The following LMO7 variants were observed in gnomAD, a reference collection of about 807,000 sequenced individuals.
LMO7 encodes the protein LIM domain 7, also known as LIM domain only protein 7.
In LMO7, 120 loss-of-function variants were observed where a neutral mutation model predicts 206.5. The observed-to-expected ratio is 0.58, with a 90% CI of 0.50 to 0.68. LMO7 has a LOEUF of 0.68. Among genes scored for constraint, LMO7 ranks in the 30% least tolerant of loss-of-function variants. The probability of loss-of-function intolerance (pLI) is 0.00; values close to 1 mark genes in which losing one functional copy is unlikely to be tolerated. For synonymous variants in LMO7, 706 were observed against 681.5 expected (o/e 1.04, Z -0.56); for missense variants, 1,959 against 1,957.9 (o/e 1.00, Z -0.01).
At chr13:75,662,505 G>A (rs2038696418) in intron 1 of LMO7, among the ~76,000 whole-genome samples, 1 of 152,134 alleles carries the variant, frequency 6.6e-6, no homozygotes, top group African/African-American at 2.4e-5. Context: ...TTTTTGCAGA[G>A]ACGGGGTCTC....
intron 1 of LMO7, among the ~76,000 whole-genome samples, chr13:75,671,687 G>T (rs1046636118): frequency 6.6e-6 from 1 of 152,072 alleles, no homozygotes; most frequent in Non-Finnish European, 1.5e-5. Context: ...CAACATTCAC[G>T]TCTTACAATA....
At chr13:75,792,205 C>T (rs1263828675) in intron 4 of LMO7, among the ~76,000 whole-genome samples, 4 of 152,108 alleles carry the variant, frequency 2.6e-5, no homozygotes, top group Admixed American at 6.5e-5. Flanking sequence ...TGGACTCAAG[C>T]GATCCTCCCA....
chr13:75,714,234 T>C (rs1328319079), intron 2 of LMO7, among the ~76,000 whole-genome samples: 2 of 152,216 alleles, frequency 1.3e-5, no homozygotes, highest in Non-Finnish European at 2.9e-5. Context: ...CTCACATCTT[T>C]GAACATTTGA....
chr13:75,713,150 A>T, intron 1 of LMO7, 32 bp from the exon 2 acceptor site: 1 of 1,553,936 alleles, frequency 6.4e-7, no homozygotes, highest in Non-Finnish European at 8.8e-7. Context: ...TCCCTGCTTA[A>T]GAGAAAATTA....
At chr13:75,689,967 C>A (rs192135431) in intron 1 of LMO7, among the ~76,000 whole-genome samples, 74 of 152,196 alleles carry the variant, frequency 4.9e-4, no homozygotes, top group African/African-American at 1.7e-3. Context: ...CTCTAGAGAA[C>A]CCTGACTAAT....
chr13:75,730,385 A>G (rs532788126), intron 3 of LMO7, among the ~76,000 whole-genome samples: 1 of 152,090 alleles, frequency 6.6e-6, no homozygotes, highest in Non-Finnish European at 1.5e-5. Context: ...GAATTTATCC[A>G]TTTCTTCTAG....
chr13:75,798,426 C>T (rs1402887422), intron 6 of LMO7, among the ~76,000 whole-genome samples: 4 of 152,178 alleles, frequency 2.6e-5, no homozygotes, highest in African/African-American at 9.7e-5. Context: ...GCCTTTGGTC[C>T]TTTTAATGAC....
At chr13:75,658,052 C>T (rs376621422) in intron 1 of LMO7, among the ~76,000 whole-genome samples, 33 of 148,722 alleles carry the variant, frequency 2.2e-4, no homozygotes, top group African/African-American at 6.6e-4. Flanking sequence ...TTCCCAGCAC[C>T]GTTTTGGCTT....
chr13:75,800,296 T>C (rs1386954877), intron 6 of LMO7, among the ~76,000 whole-genome samples: 1 of 152,264 alleles, frequency 6.6e-6, no homozygotes, highest in Non-Finnish European at 1.5e-5. Flanking sequence ...GGTTAGTTTT[T>C]CTTTTTGACT....
intron 2 of LMO7, among the ~76,000 whole-genome samples, chr13:75,630,598 C>T (rs1488416388): frequency 2.0e-5 from 3 of 152,040 alleles, no homozygotes; most frequent in Admixed American, 6.5e-5. Context: ...CACTTGAGCT[C>T]GGGAGGCTGA....
intron 15 of LMO7, among the ~76,000 whole-genome samples, chr13:75,831,598 G>A (rs891497311): frequency 2.0e-5 from 3 of 152,132 alleles, no homozygotes; most frequent in Non-Finnish European, 2.9e-5. Flanking sequence ...TTGGCTTCAG[G>A]TGAGCACCAT....
chr13:75,675,363 C>T (rs373416884), intron 1 of LMO7, among the ~76,000 whole-genome samples: 19 of 152,244 alleles, frequency 1.2e-4, no homozygotes, highest in East Asian at 7.7e-4. Flanking sequence ...CATGAGCCAC[C>T]GTGCCCGGCC....
upstream of LMO7, among the ~76,000 whole-genome samples, chr13:75,633,519 C>T (rs2035274106): frequency 6.6e-6 from 1 of 152,008 alleles, no homozygotes; most frequent in Admixed American, 6.5e-5. Flanking sequence ...ACAGGAAGTA[C>T]AGAAAGAAGA....
chr13:75,842,969 AT>A, intron 25 of LMO7, 53 bp downstream of exon 25: 2 of 1,072,076 alleles, frequency 1.9e-6, no homozygotes, highest in South Asian at 2.6e-5. Context: ...TTCAGACAAT[AT>A]TCCAGAGCTT....
intron 19 of LMO7, among the ~76,000 whole-genome samples, chr13:75,837,933 T>C (rs1248811670): frequency 6.6e-6 from 1 of 152,202 alleles, no homozygotes; most frequent in Non-Finnish European, 1.5e-5. Context: ...AAAATATTCA[T>C]TCCTTCTACT....
chr13:75,737,782 T>TAAAAAAAAAAAAAAAAA (rs71127577), intron 3 of LMO7, among the ~76,000 whole-genome samples: 4 of 36,342 alleles, frequency 1.1e-4, no homozygotes, highest in African/African-American at 1.6e-4. Flanking sequence ...TAAAATAAAA[T>TAAAAAAAAAAAAAAAAA]AAAAAAAAAA....
chr13:75,697,414 A>AGACG (rs1190631325), intron 1 of LMO7, among the ~76,000 whole-genome samples: 5 of 152,168 alleles, frequency 3.3e-5, no homozygotes, highest in Admixed American at 6.5e-5. Flanking sequence ...GATGGCAGGC[A>AGACG]AGAGAGAATG....
chr13:75,668,593 C>T (rs1444870759), intron 1 of LMO7, among the ~76,000 whole-genome samples: 1 of 152,160 alleles, frequency 6.6e-6, no homozygotes, highest in East Asian at 1.9e-4. Context: ...AGTGCAGTTC[C>T]TTCTTCCACA....
chr13:75,682,660 A>G (rs1206156309), intron 1 of LMO7, among the ~76,000 whole-genome samples: 1 of 152,196 alleles, frequency 6.6e-6, no homozygotes, highest in African/African-American at 2.4e-5. Context: ...ATCGCCTGAG[A>G]ATACACTTCT....
Sources: gnomAD v4.1 joint callset for allele counts (sites outside exome capture counted in the v4.1 genomes callset) on GRCh38, gnomAD v4.1.1 for gene constraint, MANE v1.5 for transcripts, NCBI Gene and HGNC (gene_info 2026-07-23, HGNC 2026-07-21) for gene names.